The following KNTC1 variants were observed in gnomAD, a reference collection of about 807,000 sequenced individuals.
The protein encoded by KNTC1 is kinetochore-associated protein 1.
A neutral mutation model predicts 314.4 loss-of-function variants in KNTC1; 253 were observed. That is an observed-to-expected ratio of 0.80 (90% CI 0.73 to 0.89). The LOEUF is 0.89. Among genes scored for constraint, KNTC1 ranks in the 40% least tolerant of loss-of-function variants. The probability of loss-of-function intolerance (pLI) is 0.00; values close to 1 mark genes in which losing one functional copy is unlikely to be tolerated. For missense variants in KNTC1, 2,475 were observed against 2,572.9 expected (o/e 0.96, Z 0.82); for synonymous variants, 901 against 901.4 (o/e 1.00, Z 0.01).
chr12:122,613,405 C>T, intron 54 of KNTC1, 175 bp downstream of exon 54: 1 of 655,990 alleles, frequency 1.5e-6, no homozygotes, highest in Non-Finnish European at 2.5e-6. Context: ...TTGAGAACAT[C>T]TTGTTTCCAT....
chr12:122,569,655 T>G, intron 21 of KNTC1, 26 bp from the exon 22 acceptor site: 1 of 1,590,608 alleles, frequency 6.3e-7, no homozygotes, highest in Non-Finnish European at 8.6e-7. Flanking sequence ...TTGTCAGATC[T>G]TAATTTCTCG....
At position 122,573,223 on chromosome 12, in the gene KNTC1, A is replaced by G. The variant is rs374356823; in HGVS notation, c.2221A>G (p.Ile741Val). 4 of 1,613,698 alleles carry G rather than the reference A, an allele frequency of 2.5e-6. No homozygotes were observed. The highest frequency in any genetic ancestry group is 3.4e-6 in the Non-Finnish European group (4 of 1,179,732). ...TATTCCCTCCATCTTAGAGAAGTTTATAAGAGTTTACATGAGAGAACATGA... is the reference window on the plus strand; with the variant it reads ...TATTCCCTCCATCTTAGAGAAGTTTGTAAGAGTTTACATGAGAGAACATGA... ...ELIPSILEKF[I>V]RVYMREHDLQ... The change falls in exon 26 of 64, where the codon ATA becomes GTA. Residue 741 changes from isoleucine (I) to valine (V), a missense_variant. Transcript: ENST00000333479.
intron 35 of KNTC1, 37 bp from the exon 36 acceptor site, chr12:122,584,856 A>G: frequency 9.6e-7 from 1 of 1,047,074 alleles, no homozygotes; most frequent in South Asian, 1.4e-5. Flanking sequence ...AAAGACATGA[A>G]ATATGAGTTT....
chr12:122,625,521 C>G (rs1874934685), intron 63 of KNTC1, among the ~76,000 whole-genome samples: 2 of 150,628 alleles, frequency 1.3e-5, no homozygotes, highest in Non-Finnish European at 3.0e-5. Flanking sequence ...GAGCCAAGAT[C>G]ACACCATTGT....
intron 20 of KNTC1, among the ~76,000 whole-genome samples, chr12:122,565,952 CTTT>C (rs527446641): frequency 3.1e-5 from 4 of 128,246 alleles, no homozygotes; most frequent in East Asian, 2.2e-4. Flanking sequence ...ACGTTTCAAT[CTTT>C]TTTTTTTTTT....
At chr12:122,542,959 C>G (rs1378921407) in intron 6 of KNTC1, among the ~76,000 whole-genome samples, 2 of 152,032 alleles carry the variant, frequency 1.3e-5, no homozygotes, top group Non-Finnish European at 2.9e-5. Flanking sequence ...GTCGCCCAGG[C>G]TGGAGTACAG....
chr12:122,588,900 T>C, intron 40 of KNTC1, 84 bp downstream of exon 40: 1 of 787,348 alleles, frequency 1.3e-6, no homozygotes, highest in Non-Finnish European at 2.0e-6. Flanking sequence ...CAATAGTTTA[T>C]GATTCAGTAC....
In KNTC1 at chr12:122,546,648, A is replaced by G. The variant is rs1265869805; in HGVS notation, c.790A>G (p.Asn264Asp). ...TGCAAAGAAGTTCCAGCTGATAGACAATCTACTTTTTGTTCTTGATACTGA... is the reference window on the plus strand; with the variant it reads ...TGCAAAGAAGTTCCAGCTGATAGACGATCTACTTTTTGTTCTTGATACTGA... ...KGAKKFQLID[N>D]LLFVLDTDNV... is the part of the protein sequence containing the mutation. The change falls in exon 10 of 64, where the codon AAT becomes GAT. Residue 264 changes from asparagine to aspartate, a missense_variant. Coordinates refer to ENST00000333479, the MANE Select transcript of KNTC1 (RefSeq NM_014708.6). 1.9e-6 allele frequency: 3 copies of G among 1,589,040 alleles called. No individual in the cohort carries two copies. Among genetic ancestry groups the G allele is most frequent in the Non-Finnish European group, 2.6e-6 (3 of 1,163,866 alleles).
intron 62 of KNTC1, among the ~76,000 whole-genome samples, chr12:122,622,885 T>C (rs957340015): frequency 5.9e-5 from 9 of 151,626 alleles, no homozygotes; most frequent in Non-Finnish European, 1.0e-4. Context: ...GAGGCAGAGG[T>C]TGCAGTGAGC....
rs1431180139 is a variant in KNTC1 at position 122,551,612 on chromosome 12, A to C, written c.1197-9A>C. The C allele has an allele frequency of 6.2e-7, 1 of 1,613,158 alleles. No homozygotes were observed. Among genetic ancestry groups the C allele is most frequent in the Non-Finnish European group, 8.5e-7 (1 of 1,179,382 alleles). ...AGCATTTAACAAAATTTCTCTTCCA[A>C]CTTAACAGATTGAGTCGGTTACTTC... On this transcript the variant is annotated splice_polypyrimidine_tract_variant and intron_variant, in intron 15 of 63. Transcript: ENST00000333479.
intron 5 of KNTC1, among the ~76,000 whole-genome samples, chr12:122,541,564 C>A (rs542919847): frequency 6.6e-5 from 10 of 150,498 alleles, no homozygotes; most frequent in Non-Finnish European, 1.5e-4. Context: ...TCAGGCTGGT[C>A]TCGAGCTCCT....
At chr12:122,576,783 A>C (rs958712478) in intron 29 of KNTC1, 112 bp from the exon 30 acceptor site, 5 of 607,866 alleles carry the variant, frequency 8.2e-6, no homozygotes, top group Non-Finnish European at 1.4e-5. Flanking sequence ...CATACAATTT[A>C]GTTTTTTGCT....
chr12:122,603,386 G>GTGA, intron 48 of KNTC1, 143 bp downstream of exon 48: 1 of 682,642 alleles, frequency 1.5e-6, no homozygotes, highest in Admixed American at 3.1e-5. Flanking sequence ...CTCAAGGGCA[G>GTGA]TGGGCATGGG....
intron 3 of KNTC1, among the ~76,000 whole-genome samples, chr12:122,536,141 G>C (rs1302307747): frequency 2.7e-5 from 4 of 150,818 alleles, no homozygotes; most frequent in Non-Finnish European, 5.9e-5. Flanking sequence ...CTGACCTTGT[G>C]ATCTGCCTGC....
chr12:122,605,301 C>G lies in KNTC1; in HGVS notation c.5387-5C>G. The G allele has an allele frequency of 6.5e-7, 1 of 1,543,038 alleles. No homozygotes were observed. The highest frequency in any genetic ancestry group is 8.8e-7 in the Non-Finnish European group (1 of 1,132,304). On this transcript the variant is annotated splice_polypyrimidine_tract_variant and splice_region_variant and intron_variant, in intron 50 of 63. Transcript: ENST00000333479. ...TTTTTCTTTTCTTTATTTTGAATAT[C>G]TTAGATATTCATGCAGCAGCTAAAG...
chr12:122,603,515 A>G (rs1269613460), intron 48 of KNTC1, among the ~76,000 whole-genome samples: 1 of 149,596 alleles, frequency 6.7e-6, no homozygotes, highest in Admixed American at 6.7e-5. Flanking sequence ...TTTTTTTGAG[A>G]TGGAGTCTTG....
At chr12:122,618,257 C>G in intron 57 of KNTC1, 86 bp from the exon 58 acceptor site, 1 of 1,148,136 alleles carries the variant, frequency 8.7e-7, no homozygotes, top group Middle Eastern at 2.2e-4. Context: ...TAGGTGTGAG[C>G]CACCGCGCCT....
chr12:122,572,189 T>A (rs936897977), intron 24 of KNTC1, among the ~76,000 whole-genome samples: 2 of 152,040 alleles, frequency 1.3e-5, no homozygotes, highest in Non-Finnish European at 2.9e-5. Flanking sequence ...GTCAAGAGAT[T>A]GAAATCAGCC....
chr12:122,610,788 TA>T, intron 52 of KNTC1, 33 bp from the exon 53 acceptor site: 1 of 1,391,542 alleles, frequency 7.2e-7, no homozygotes, highest in African/African-American at 1.4e-5. Flanking sequence ...ATCACTAAAT[TA>T]AAAAATGACT....
Sources: gnomAD v4.1 joint callset for allele counts (sites outside exome capture counted in the v4.1 genomes callset) on GRCh38, gnomAD v4.1.1 for gene constraint, MANE v1.5 for transcripts, NCBI Gene and HGNC (gene_info 2026-07-23, HGNC 2026-07-21) for gene names.